Variants in ENO4 observed in about 807,000 individuals in gnomAD.
ENO4 encodes 2-phospho-D-glycerate hydro-lyase.
In ENO4, 53 loss-of-function variants were observed where a neutral mutation model predicts 63.2. The observed-to-expected ratio is 0.84, with a 90% CI of 0.67 to 1.05. The LOEUF is 1.05. Among genes scored for constraint, ENO4 ranks in the 50% least tolerant of loss-of-function variants. The probability of loss-of-function intolerance (pLI) is 0.00; values close to 1 mark genes in which losing one functional copy is unlikely to be tolerated. For synonymous variants in ENO4, 266 were observed against 283.8 expected (o/e 0.94, Z 0.63); for missense variants, 719 against 772.0 (o/e 0.93, Z 0.81).
downstream of ENO4, among the ~76,000 whole-genome samples, chr10:116,912,105 C>T (rs954288669): frequency 6.6e-6 from 1 of 152,204 alleles, no homozygotes; most frequent in African/African-American, 2.4e-5. Flanking sequence ...CATATTGTTA[C>T]CTCTTGATTA....
At chr10:116,869,911 A>ATAG (rs386372566) in intron 8 of ENO4, among the ~76,000 whole-genome samples, 127 of 151,402 alleles carry the variant, frequency 8.4e-4, no homozygotes, top group African/African-American at 2.9e-3. Context: ...GGAGATCATA[A>ATAG]TATCTTTGTA....
downstream of ENO4, chr10:116,886,432 T>G: frequency 6.2e-7 from 1 of 1,610,188 alleles, no homozygotes; most frequent in Non-Finnish European, 8.5e-7. Flanking sequence ...CTCCTTGTGT[T>G]GAGTTGGATC....
At chr10:116,855,302 C>G (rs971824859) in intron 1 of ENO4, among the ~76,000 whole-genome samples, 8 of 152,092 alleles carry the variant, frequency 5.3e-5, no homozygotes, top group African/African-American at 1.9e-4. Flanking sequence ...TTGAAGAAGG[C>G]CTGCTAATCA....
At chr10:116,893,037 C>T (rs1247249563) in intron 10 of ENO4, among the ~76,000 whole-genome samples, 1 of 152,174 alleles carries the variant, frequency 6.6e-6, no homozygotes, top group East Asian at 1.9e-4. Flanking sequence ...TTGAGAATTA[C>T]TCAGCAGCAT....
chr10:116,888,919 C>A (rs1400160554), intron 10 of ENO4, among the ~76,000 whole-genome samples: 1 of 152,258 alleles, frequency 6.6e-6, no homozygotes, highest in African/African-American at 2.4e-5. Context: ...TGCAGCCCAG[C>A]TAAGGTTCCA....
chr10:116,874,504 G>A (rs1846777422), intron 10 of ENO4, among the ~76,000 whole-genome samples: 1 of 152,140 alleles, frequency 6.6e-6, no homozygotes, highest in Non-Finnish European at 1.5e-5. Context: ...AGGAGTACCT[G>A]TATATTTACA....
At chr10:116,859,862 G>A (rs915169929) in intron 4 of ENO4, among the ~76,000 whole-genome samples, 4 of 152,188 alleles carry the variant, frequency 2.6e-5, no homozygotes, top group African/African-American at 9.7e-5. Context: ...AAAGAGACCA[G>A]GGAGGCAGGG....
At chr10:116,907,232 G>A (rs926698743) in intron 10 of ENO4, among the ~76,000 whole-genome samples, 2 of 152,142 alleles carry the variant, frequency 1.3e-5, no homozygotes, top group African/African-American at 4.8e-5. Flanking sequence ...CCGTGGCGTC[G>A]TAGCTGTCAA....
chr10:116,887,899 GAACA>G (rs1847215663), intron 10 of ENO4, among the ~76,000 whole-genome samples: 1 of 152,144 alleles, frequency 6.6e-6, no homozygotes, highest in Non-Finnish European at 1.5e-5. Context: ...AAAAACAACA[GAACA>G]AATGATCAAC....
chr10:116,900,995 A>G, intron 10 of ENO4: 1 of 985,442 alleles, frequency 1.0e-6, no homozygotes, highest in South Asian at 4.7e-5. Flanking sequence ...GAGTTACAAA[A>G]AAGGGGTTCT....
At chr10:116,904,681 A>C (rs1248459962) in intron 10 of ENO4, among the ~76,000 whole-genome samples, 3 of 152,188 alleles carry the variant, frequency 2.0e-5, no homozygotes, top group Non-Finnish European at 2.9e-5. Context: ...TGTTCATGAA[A>C]TGTGTTCCTT....
intron 10 of ENO4, among the ~76,000 whole-genome samples, chr10:116,897,050 G>A (rs1195693257): frequency 6.6e-6 from 1 of 151,966 alleles, no homozygotes; most frequent in African/African-American, 2.4e-5. Context: ...CAAGTGATCT[G>A]CCTGCCTCAG....
intron 11 of ENO4, among the ~76,000 whole-genome samples, chr10:116,878,486 G>C (rs1357819508): frequency 6.6e-6 from 1 of 152,132 alleles, no homozygotes; most frequent in Non-Finnish European, 1.5e-5. Context: ...TACTCTTCTA[G>C]TAAACATTCA....
intron 10 of ENO4, chr10:116,907,943 T>C (rs74161333): frequency 9.7e-6 from 5 of 515,210 alleles, no homozygotes; most frequent in African/African-American, 7.7e-5. Context: ...ATAATTCTAC[T>C]GGCTAAAAAT....
In ENO4 at chr10:116,871,718, A is replaced by G. The variant is rs1009895126; in HGVS notation, c.1215+426A>G. On this transcript the variant is annotated intron_variant, in intron 9 of 13. Coordinates refer to ENST00000341276, the MANE Select transcript of ENO4 (RefSeq NM_001242699.2). ...GAATTTATGCTGTGACTTTTTAAAT[A>G]TAAAAATTTTTCCAAGTTATTGAAG... Among the ~76,000 whole-genome samples, 4 of 152,242 alleles carry G rather than the reference A, an allele frequency of 2.6e-5. No individual in the cohort carries two copies. The East Asian group carries it at 7.7e-4, about 29-fold the overall frequency.
chr10:116,856,520 A>T lies in ENO4; in HGVS notation c.323A>T (p.His108Leu). Residue 108 changes from histidine (H) to leucine (L), a missense_variant, in exon 3 of 14, where the codon CAT (histidine) becomes CTT (leucine). Around this residue, in one of 3 missense-constraint regions of ENO4, gnomAD observed 544 missense variants for 583.6 expected, o/e 0.93. Transcript: ENST00000341276. ...KNVCSVVIST[H>L]FEVHENALPE... ...GTATGTTCTGTGGTGATCTCGACTC[A>T]TTTTGAAGTCCATGAGAATGCTCTG... is the stretch of plus-strand genomic sequence containing the variant. The T allele has an allele frequency of 6.5e-7, 1 of 1,535,864 alleles. No individual in the cohort carries two copies. The highest frequency in any genetic ancestry group is 8.7e-7 in the Non-Finnish European group (1 of 1,146,838).
exon 11 of ENO4, chr10:116,911,777 A>G: frequency 2.5e-6 from 4 of 1,606,176 alleles, no homozygotes; most frequent in Non-Finnish European, 3.4e-6. Flanking sequence ...AATAAACTGA[A>G]ATCTATTCTT....
chr10:116,891,949 T>A (rs1253634351), intron 10 of ENO4, among the ~76,000 whole-genome samples: 1 of 152,186 alleles, frequency 6.6e-6, no homozygotes. Flanking sequence ...CACTTCTATT[T>A]GTGGAAAAAG....
Position 116,881,977 on chromosome 10 carries a change from T to C in ENO4, c.*308T>C. ...TTTTTGTTGCCAACTCCACACTCAG[T>C]CAAACACCCCATCCTTTACCAATCA... On this transcript the variant is annotated 3_prime_UTR_variant, in exon 14 of 14. Coordinates refer to ENST00000341276, the MANE Select transcript of ENO4 (RefSeq NM_001242699.2). 4.3e-6 allele frequency: 1 copy of C among 232,046 alleles called. No homozygotes were observed. Among genetic ancestry groups the C allele is most frequent in the Non-Finnish European group, 8.2e-6 (1 of 121,974 alleles). The allele number at this position is 232,046 out of a possible 1,614,324, so 14.4% of individuals were successfully genotyped here.
Sources: gnomAD v4.1 joint callset for allele counts (sites outside exome capture counted in the v4.1 genomes callset) on GRCh38, gnomAD v4.1.1 for gene constraint, gnomAD v4.1.1 regional missense constraint, MANE v1.5 for transcripts, NCBI Gene and HGNC (gene_info 2026-07-23, HGNC 2026-07-21) for gene names.